LRP1B: variants seen among roughly 807,000 people sequenced by gnomAD.
LRP1B encodes low-density lipoprotein receptor-related protein 1B.
Under a neutral mutation model 556.6 loss-of-function variants are expected in LRP1B, and 217 were observed. The ratio of observed to expected loss-of-function variants is 0.39; its 90% CI spans 0.35 to 0.44. LRP1B has a LOEUF of 0.44. Ranked by LOEUF, LRP1B falls within the 20% of genes least tolerant of loss-of-function variation. LRP1B has a pLI of 1.00. For synonymous variants in LRP1B, 2,047 were observed against 1,865.8 expected (o/e 1.10, Z -2.50); for missense variants, 5,053 against 5,620.8 (o/e 0.90, Z 3.23).
At chr2:141,970,932 T>C (rs2105074659) in intron 1 of LRP1B, among the ~76,000 whole-genome samples, 1 of 151,562 alleles carries the variant, frequency 6.6e-6, no homozygotes, top group East Asian at 1.9e-4. Flanking sequence ...TTAGATGATG[T>C]TTAAAGATGG....
At position 141,635,909 on chromosome 2, in the gene LRP1B, T is replaced by C. The variant is rs1049519215; in HGVS notation, c.206-155376A>G. Among the ~76,000 whole-genome samples, 5 of 152,312 alleles carry C rather than the reference T, an allele frequency of 3.3e-5. No homozygotes were observed. The South Asian group carries it at 1.0e-3, about 32-fold the overall frequency. ...ACAGGTCTCTTTCATCTTCTGGTTT[T>C]ATACCTTCAGGATTGATAACTGATC... On this transcript the variant is annotated intron_variant, in intron 2 of 90. Transcript: ENST00000389484.
intron 1 of LRP1B, among the ~76,000 whole-genome samples, chr2:141,872,157 A>T (rs1408692419): frequency 6.6e-6 from 1 of 152,004 alleles, no homozygotes; most frequent in African/African-American, 2.4e-5. Flanking sequence ...AGGGGAAAAA[A>T]TAGGTAACTG....
At chr2:141,468,731 A>G (rs1682338669) in intron 3 of LRP1B, among the ~76,000 whole-genome samples, 1 of 152,112 alleles carries the variant, frequency 6.6e-6, no homozygotes, top group Non-Finnish European at 1.5e-5. Context: ...CATTTATTGA[A>G]CTGTATAGAT....
intron 2 of LRP1B, among the ~76,000 whole-genome samples, chr2:141,652,469 A>G (rs1689832914): frequency 6.6e-6 from 1 of 152,160 alleles, no homozygotes; most frequent in Non-Finnish European, 1.5e-5. Context: ...AACATTTTGA[A>G]TGTTTTCTGT....
In LRP1B at chr2:141,731,475, T is replaced by C. The variant is rs189254048; in HGVS notation, c.205+78804A>G. On this transcript the variant is annotated intron_variant, in intron 2 of 90. Coordinates refer to ENST00000389484, the MANE Select transcript of LRP1B (RefSeq NM_018557.3). ...GATGCAGGTAAAAGTTACCTCCATT[T>C]ATTGCTCCATTGTTTGCCTTCATAT... 1.2e-3 allele frequency among the ~76,000 whole-genome samples: 182 copies of C among 152,278 alleles called. 1 individual carries two copies. The highest frequency in any genetic ancestry group is 4.0e-3 in the African/African-American group (167 of 41,574).
chr2:140,429,499 C>T (rs948052089), intron 66 of LRP1B, among the ~76,000 whole-genome samples: 1 of 152,112 alleles, frequency 6.6e-6, no homozygotes, highest in Non-Finnish European at 1.5e-5. Context: ...GCTGTACTGC[C>T]ACAAGGCTTC....
At chr2:140,358,443 A>G (rs566215869) in intron 73 of LRP1B, among the ~76,000 whole-genome samples, 126 of 151,888 alleles carry the variant, frequency 8.3e-4, no homozygotes, top group African/African-American at 2.9e-3. Flanking sequence ...TGCTGCATAC[A>G]TAAGTCTTTT....
intron 3 of LRP1B, among the ~76,000 whole-genome samples, chr2:141,408,992 T>C (rs6429872): frequency 6.6e-6 from 1 of 152,082 alleles, no homozygotes; most frequent in South Asian, 2.1e-4. Flanking sequence ...TTCTCTACAT[T>C]GGCTTCTGTG....
At chr2:140,989,274 C>T (rs1167004461) in intron 17 of LRP1B, among the ~76,000 whole-genome samples, 1 of 152,024 alleles carries the variant, frequency 6.6e-6, no homozygotes, top group African/African-American at 2.4e-5. Context: ...AAGTCTTGTA[C>T]AAGTAGTGTG....
chr2:141,682,595 G>C (rs545725775), intron 2 of LRP1B, among the ~76,000 whole-genome samples: 1 of 152,070 alleles, frequency 6.6e-6, no homozygotes, highest in Non-Finnish European at 1.5e-5. Flanking sequence ...TCCCATGTTG[G>C]AAAAAGACTG....
intron 2 of LRP1B, among the ~76,000 whole-genome samples, chr2:141,736,091 G>A (rs1693456441): frequency 6.6e-6 from 1 of 152,134 alleles, no homozygotes; most frequent in African/African-American, 2.4e-5. Context: ...TCTAGGGGCA[G>A]GTTGTTCCCA....
intron 41 of LRP1B, among the ~76,000 whole-genome samples, chr2:140,604,977 T>C (rs938939697): frequency 1.3e-5 from 2 of 152,170 alleles, no homozygotes; most frequent in Admixed American, 6.5e-5. Flanking sequence ...TGTGGAACTG[T>C]GAGTTGTTGA....
intron 47 of LRP1B, among the ~76,000 whole-genome samples, chr2:140,530,911 G>C (rs1272796362): frequency 1.3e-5 from 2 of 152,088 alleles, no homozygotes; most frequent in Non-Finnish European, 2.9e-5. Context: ...GACTAAAAAA[G>C]AGGAAATATC....
At chr2:141,657,928 G>GA (rs1003675799) in intron 2 of LRP1B, among the ~76,000 whole-genome samples, 1 of 152,010 alleles carries the variant, frequency 6.6e-6, no homozygotes, top group African/African-American at 2.4e-5. Context: ...TCTATTAATT[G>GA]AAAAAGGTTT....
At chr2:140,557,432 A>G (rs1319222465) in intron 43 of LRP1B, among the ~76,000 whole-genome samples, 4 of 152,160 alleles carry the variant, frequency 2.6e-5, no homozygotes, top group Admixed American at 1.3e-4. Flanking sequence ...CAGTAATACA[A>G]AAGTTAAAAA....
intron 30 of LRP1B, 24 bp from the exon 31 acceptor site, chr2:140,840,109 T>A: frequency 7.1e-7 from 1 of 1,401,104 alleles, no homozygotes; most frequent in East Asian, 2.3e-5. Flanking sequence ...ACATATGGAT[T>A]GAAAATATTA....
chr2:141,239,589 G>GCA (rs1683786839), intron 5 of LRP1B, among the ~76,000 whole-genome samples: 1 of 152,098 alleles, frequency 6.6e-6, no homozygotes, highest in Non-Finnish European at 1.5e-5. Flanking sequence ...GATAGGATCT[G>GCA]TATATATTTG....
At chr2:140,638,794 T>C (rs1002223200) in intron 41 of LRP1B, among the ~76,000 whole-genome samples, 2 of 151,772 alleles carry the variant, frequency 1.3e-5, no homozygotes, top group Admixed American at 1.3e-4. Context: ...AAAATATATA[T>C]GAAATTACAT....
chr2:141,554,625 C>A (rs969333471), intron 2 of LRP1B, among the ~76,000 whole-genome samples: 1 of 151,572 alleles, frequency 6.6e-6, no homozygotes, highest in Non-Finnish European at 1.5e-5. Flanking sequence ...CTCAAAATAC[C>A]TTACTTATGG....
Sources: allele counts gnomAD v4.1 joint callset (sites outside exome capture counted in the v4.1 genomes callset), GRCh38; gene constraint gnomAD v4.1.1; transcripts MANE v1.5; gene names NCBI Gene and HGNC (gene_info 2026-07-23, HGNC 2026-07-21).